Variants in LSAMP observed in about 807,000 individuals in gnomAD.
The protein encoded by LSAMP is limbic system associated membrane protein, also known as limbic system-associated membrane protein.
Under a neutral mutation model 38.6 loss-of-function variants are expected in LSAMP, and 7 were observed. The observed-to-expected ratio is 0.18, with a 90% CI of 0.10 to 0.34. LSAMP has a LOEUF of 0.34. LSAMP is among the 10% of genes least tolerant of loss of function. LSAMP has a pLI of 1.00. For missense variants in LSAMP, 313 were observed against 420.0 expected (o/e 0.75, Z 2.23); for synonymous variants, 154 against 166.8 (o/e 0.92, Z 0.59).
intron 1 of LSAMP, among the ~76,000 whole-genome samples, chr3:116,343,108 T>C (rs2048018821): frequency 6.6e-6 from 1 of 151,878 alleles, no homozygotes; most frequent in African/African-American, 2.4e-5. Flanking sequence ...AAAACAACAA[T>C]AACAACAAAA....
At chr3:116,298,395 A>T (rs1256142596) in intron 1 of LSAMP, among the ~76,000 whole-genome samples, 1 of 152,108 alleles carries the variant, frequency 6.6e-6, no homozygotes, top group African/African-American at 2.4e-5. Flanking sequence ...ACATGTCTGA[A>T]TGCATTTGAG....
At position 116,089,949 on chromosome 3, in the gene LSAMP, A is replaced by G. The variant is rs183982114; in HGVS notation, c.156-3393T>C. Reference sequence around the variant, plus strand: ...TGTGACTAAAACTTTCTTAATAAAAAATGAGTAAAGGAATAATGCAATTTC... The same window carrying G: ...TGTGACTAAAACTTTCTTAATAAAAGATGAGTAAAGGAATAATGCAATTTC... On this transcript the variant is annotated intron_variant, in intron 1 of 6. Coordinates refer to ENST00000490035, the MANE Select transcript of LSAMP (RefSeq NM_002338.5). 3.9e-3 allele frequency among the ~76,000 whole-genome samples: 592 copies of G among 152,248 alleles called. 4 individuals carry two copies. Among genetic ancestry groups the G allele is most frequent in the African/African-American group, 0.014 (570 of 41,572 alleles).
At chr3:115,920,926 T>G (rs576733635) in intron 3 of LSAMP, among the ~76,000 whole-genome samples, 126 of 152,124 alleles carry the variant, frequency 8.3e-4, no homozygotes, top group African/African-American at 3.0e-3. Context: ...TCCTGGTGAA[T>G]TGACAGTTTT....
chr3:116,216,015 C>T (rs549696950), intron 1 of LSAMP, among the ~76,000 whole-genome samples: 38 of 152,214 alleles, frequency 2.5e-4, no homozygotes, highest in African/African-American at 8.7e-4. Context: ...CACAAAGGTG[C>T]ACATTAGCTT....
At chr3:115,983,302 C>T (rs923591038) in intron 3 of LSAMP, among the ~76,000 whole-genome samples, 2 of 152,052 alleles carry the variant, frequency 1.3e-5, no homozygotes, top group Non-Finnish European at 2.9e-5. Context: ...GATTGCTCAA[C>T]ACCCAGAGTT....
chr3:116,165,450 G>A (rs1156236848), intron 1 of LSAMP, among the ~76,000 whole-genome samples: 1 of 152,132 alleles, frequency 6.6e-6, no homozygotes, highest in Non-Finnish European at 1.5e-5. Context: ...GCAATTGGAG[G>A]ATAAAGAAAG....
intron 1 of LSAMP, among the ~76,000 whole-genome samples, chr3:116,340,299 C>T (rs928037025): frequency 6.6e-6 from 1 of 152,004 alleles, no homozygotes; most frequent in South Asian, 2.1e-4. Context: ...AATAAATTCT[C>T]ACAGTGAAAA....
intron 2 of LSAMP, among the ~76,000 whole-genome samples, chr3:116,055,159 T>C (rs972056602): frequency 2.0e-5 from 3 of 152,222 alleles, no homozygotes; most frequent in Non-Finnish European, 4.4e-5. Context: ...AAATTGGCTC[T>C]TGATATGCTA....
At chr3:116,186,221 T>C (rs1190309325) in intron 1 of LSAMP, among the ~76,000 whole-genome samples, 1 of 152,146 alleles carries the variant, frequency 6.6e-6, no homozygotes, top group African/African-American at 2.4e-5. Flanking sequence ...GCAGAAAAGA[T>C]GTATAAAGTC....
At chr3:116,369,906 C>A (rs1324980609) in intron 1 of LSAMP, 12 of 152,484 alleles carry the variant, frequency 7.9e-5, no homozygotes, top group African/African-American at 1.4e-4. Context: ...GCAAAAATTG[C>A]GAGCCAACAA....
intron 1 of LSAMP, among the ~76,000 whole-genome samples, chr3:116,334,757 C>A (rs1056682687): frequency 3.3e-5 from 5 of 151,934 alleles, no homozygotes; most frequent in African/African-American, 9.7e-5. Flanking sequence ...TAAGTAAAGC[C>A]ATATATGAAA....
intron 3 of LSAMP, among the ~76,000 whole-genome samples, chr3:115,962,513 G>T (rs1350442769): frequency 6.6e-6 from 1 of 152,166 alleles, no homozygotes; most frequent in Non-Finnish European, 1.5e-5. Context: ...CTTGTAAATA[G>T]GGAGGCCTAT....
intron 6 of LSAMP, among the ~76,000 whole-genome samples, chr3:115,830,577 C>G (rs947479699): frequency 3.9e-5 from 6 of 152,104 alleles, no homozygotes; most frequent in African/African-American, 1.2e-4. Flanking sequence ...CCTTTAAACT[C>G]TAATGGTACA....
intron 3 of LSAMP, among the ~76,000 whole-genome samples, chr3:115,898,772 A>T (rs1936795853): frequency 6.6e-6 from 1 of 152,102 alleles, no homozygotes; most frequent in Non-Finnish European, 1.5e-5. Context: ...GATGGGGAGC[A>T]TGGTGCTTCC....
At chr3:115,956,597 A>G (rs1938462730) in intron 3 of LSAMP, among the ~76,000 whole-genome samples, 1 of 152,158 alleles carries the variant, frequency 6.6e-6, no homozygotes, top group Non-Finnish European at 1.5e-5. Context: ...AGCTGAGACA[A>G]GTTTACTTAT....
intron 2 of LSAMP, among the ~76,000 whole-genome samples, chr3:116,030,534 T>C (rs772721100): frequency 6.6e-5 from 10 of 152,174 alleles, no homozygotes; most frequent in Non-Finnish European, 1.3e-4. Context: ...TGAATAAAAT[T>C]ACTATCTTTC....
At chr3:116,269,795 T>G (rs1482258664) in intron 1 of LSAMP, among the ~76,000 whole-genome samples, 3 of 152,148 alleles carry the variant, frequency 2.0e-5, no homozygotes, top group Non-Finnish European at 4.4e-5. Context: ...TTGATCAAGA[T>G]CACAAATGAA....
At chr3:116,214,540 G>A (rs1576437841) in intron 1 of LSAMP, among the ~76,000 whole-genome samples, 1 of 124,252 alleles carries the variant, frequency 8.0e-6, no homozygotes, top group Admixed American at 1.1e-4. Context: ...GTCTCACTCT[G>A]TCACCCAGGC....
At chr3:116,333,528 C>T (rs2047879727) in intron 1 of LSAMP, among the ~76,000 whole-genome samples, 1 of 124,244 alleles carries the variant, frequency 8.0e-6, no homozygotes, top group Non-Finnish European at 1.6e-5. Context: ...AACAAGGTTC[C>T]ATCTCAAAAA....
Sources: allele counts gnomAD v4.1 joint callset (sites outside exome capture counted in the v4.1 genomes callset), GRCh38; gene constraint gnomAD v4.1.1; transcripts MANE v1.5; gene names NCBI Gene and HGNC (gene_info 2026-07-23, HGNC 2026-07-21).